Variants in RASGRP3 observed in about 807,000 individuals in gnomAD.
RASGRP3 encodes the protein ras guanyl-releasing protein 3.
In RASGRP3, 54 loss-of-function variants were observed where a neutral mutation model predicts 82.7. That is an observed-to-expected ratio of 0.65 (90% CI 0.52 to 0.82). The LOEUF (loss-of-function observed/expected upper bound fraction) is 0.82. Among genes scored for constraint, RASGRP3 ranks in the 40% least tolerant of loss-of-function variants. RASGRP3 has a pLI of 0.00. For missense variants in RASGRP3, 861 were observed against 828.9 expected (o/e 1.04, Z -0.48); for synonymous variants, 309 against 300.5 (o/e 1.03, Z -0.29).
At chr2:33,458,038 G>A (rs1388632431) in intron 2 of RASGRP3, 1 of 152,148 alleles carries the variant, frequency 6.6e-6, no homozygotes, top group Admixed American at 6.5e-5. Context: ...GCACCCTGGG[G>A]AGGTTGTGAA....
chr2:33,523,791 A>C, intron 7 of RASGRP3, 88 bp from the exon 8 acceptor site: 1 of 1,278,022 alleles, frequency 7.8e-7, no homozygotes, highest in Non-Finnish European at 1.1e-6. Flanking sequence ...TTACGAAACA[A>C]TATCTCACCT....
intron 9 of RASGRP3, 83 bp downstream of exon 9, chr2:33,524,631 C>T (rs982024039): frequency 2.8e-6 from 3 of 1,055,384 alleles, no homozygotes; most frequent in Non-Finnish European, 4.1e-6. Flanking sequence ...ACAAATGTCA[C>T]TCAGAGTGGG....
intron 10 of RASGRP3, among the ~76,000 whole-genome samples, chr2:33,530,497 CTTTTTTTT>C (rs746592952): frequency 8.5e-6 from 1 of 117,108 alleles, no homozygotes; most frequent in African/African-American, 3.5e-5. Context: ...CTGCCCCTTC[CTTTTTTTT>C]TTTTTTTTTT....
At chr2:33,510,314 C>A (rs1670808803) in intron 1 of RASGRP3, among the ~76,000 whole-genome samples, 1 of 152,196 alleles carries the variant, frequency 6.6e-6, no homozygotes, top group African/African-American at 2.4e-5. Context: ...TTACTAGTTA[C>A]AATATTTCAC....
At chr2:33,509,959 A>T (rs892212462) in intron 1 of RASGRP3, among the ~76,000 whole-genome samples, 1 of 152,220 alleles carries the variant, frequency 6.6e-6, no homozygotes, top group Non-Finnish European at 1.5e-5. Context: ...TTTAAAAAAA[A>T]ATCTCATGTC....
At chr2:33,499,984 G>A (rs371102301) in intron 1 of RASGRP3, among the ~76,000 whole-genome samples, 15 of 152,298 alleles carry the variant, frequency 9.8e-5, no homozygotes, top group African/African-American at 3.6e-4. Flanking sequence ...CAAAGCTAAA[G>A]GAAGTCAGTA....
At position 33,518,261 on chromosome 2, in the gene RASGRP3, C is replaced by T. The variant is rs75814686; in HGVS notation, c.173+1617C>T. On this transcript the variant is annotated intron_variant, in intron 4 of 17. Coordinates refer to ENST00000403687, the MANE Select transcript of RASGRP3 (RefSeq NM_001139488.2). ...TGGACTACAAACCTGTACAGCATGT[C>T]GCTGTACTGAATTCTATAGGCAACT... Among the ~76,000 whole-genome samples, 1,074 of 152,220 alleles carry T rather than the reference C, an allele frequency of 7.1e-3. 18 individuals carry two copies. Among genetic ancestry groups the T allele is most frequent in the African/African-American group, 0.025 (1,026 of 41,526 alleles).
At chr2:33,500,326 A>G (rs992455522) in intron 1 of RASGRP3, among the ~76,000 whole-genome samples, 39 of 152,134 alleles carry the variant, frequency 2.6e-4, no homozygotes, top group African/African-American at 9.4e-4. Context: ...ATAATTTGGA[A>G]AGATTGATTT....
intron 10 of RASGRP3, 172 bp from the exon 11 acceptor site, chr2:33,534,151 T>G: frequency 1.7e-6 from 1 of 600,310 alleles, no homozygotes; most frequent in Non-Finnish European, 2.9e-6. Flanking sequence ...GGATTAACGT[T>G]TTCTCTTTTA....
intron 16 of RASGRP3, 79 bp from the exon 17 acceptor site, chr2:33,558,593 C>T (rs1322182410): frequency 1.1e-5 from 14 of 1,289,540 alleles, no homozygotes; most frequent in South Asian, 1.0e-4. Context: ...ATGCCAGACT[C>T]GTGCTGTTTG....
At chr2:33,491,151 A>C (rs1055586314) in intron 1 of RASGRP3, among the ~76,000 whole-genome samples, 5 of 104,972 alleles carry the variant, frequency 4.8e-5, no homozygotes, top group Non-Finnish European at 9.5e-5. Context: ...CCTCGTCTCT[A>C]CTAAAAATAC....
intron 1 of RASGRP3, among the ~76,000 whole-genome samples, chr2:33,509,639 G>T (rs1384637502): frequency 6.6e-6 from 1 of 152,152 alleles, no homozygotes; most frequent in Admixed American, 6.5e-5. Context: ...CAGGCTTCTA[G>T]ACTAAATTAG....
At chr2:33,530,659 A>G (rs1188050325) in intron 10 of RASGRP3, among the ~76,000 whole-genome samples, 4 of 152,198 alleles carry the variant, frequency 2.6e-5, no homozygotes, top group Admixed American at 1.3e-4. Context: ...TCACATCTGT[A>G]AAAATTAATT....
At chr2:33,463,592 C>CTTTTTTTT (rs56748259) in intron 2 of RASGRP3, among the ~76,000 whole-genome samples, 1 of 70,230 alleles carries the variant, frequency 1.4e-5, no homozygotes, top group Non-Finnish European at 2.7e-5. Context: ...CTCCTTCACT[C>CTTTTTTTT]TTTTTTTTTT....
At chr2:33,500,004 C>T (rs1239657378) in intron 1 of RASGRP3, among the ~76,000 whole-genome samples, 1 of 152,034 alleles carries the variant, frequency 6.6e-6, no homozygotes, top group Non-Finnish European at 1.5e-5. Context: ...ACACTGAGTG[C>T]CAAAATCCAC....
rs149124727 is a variant in RASGRP3, at chr2:33,563,137, T to A, written c.*400T>A. On this transcript the variant is annotated 3_prime_UTR_variant, in exon 18 of 18. Coordinates refer to ENST00000403687, the MANE Select transcript of RASGRP3 (RefSeq NM_001139488.2). ...TTCAATATTTTTATAAACTTTTGTG[T>A]GTGCTGTGGCAGGGAACAGTTAACA... is the stretch of plus-strand genomic sequence containing the variant. The A allele has an allele frequency of 7.8e-4, 153 of 195,842 alleles. No individual in the cohort carries two copies. The highest frequency in any genetic ancestry group is 1.6e-3 in the African/African-American group (70 of 43,266). 12.1% of individuals were successfully genotyped at this position (195,842 alleles called of 1,614,324 possible).
intron 2 of RASGRP3, among the ~76,000 whole-genome samples, chr2:33,461,769 C>T (rs1666380567): frequency 6.6e-6 from 1 of 152,084 alleles, no homozygotes; most frequent in African/African-American, 2.4e-5. Flanking sequence ...ATAAGTAATA[C>T]CGAGACTACA....
At chr2:33,558,480 C>A (rs1203006005) in intron 16 of RASGRP3, 144 bp downstream of exon 16, 10 of 1,322,710 alleles carry the variant, frequency 7.6e-6, no homozygotes, top group Non-Finnish European at 1.0e-5. Flanking sequence ...GTAGCTAAAC[C>A]CTTGAATCAT....
intron 2 of RASGRP3, among the ~76,000 whole-genome samples, chr2:33,468,205 G>C (rs984379375): frequency 6.6e-6 from 1 of 151,846 alleles, no homozygotes; most frequent in African/African-American, 2.4e-5. Context: ...ATGCTGATGA[G>C]CATAAAGGAG....
Sources: allele counts gnomAD v4.1 joint callset (sites outside exome capture counted in the v4.1 genomes callset), GRCh38; gene constraint gnomAD v4.1.1; transcripts MANE v1.5; gene names NCBI Gene and HGNC (gene_info 2026-07-23, HGNC 2026-07-21).